Variants in ZBTB20 observed in about 807,000 individuals in gnomAD.
ZBTB20 encodes zinc finger and BTB domain-containing protein 20.
ZBTB20 carries 9 observed loss-of-function variants against 56.9 expected under a neutral mutation model. The ratio of observed to expected loss-of-function variants is 0.16; its 90% CI spans 0.10 to 0.28. The LOEUF (loss-of-function observed/expected upper bound fraction) is 0.28, where lower values mean the gene tolerates loss of function less well. Ranked by LOEUF, ZBTB20 falls within the 10% of genes least tolerant of loss-of-function variation. ZBTB20 has a pLI of 1.00. For synonymous variants in ZBTB20, 417 were observed against 420.7 expected, an observed-to-expected ratio of 0.99 and a Z score of 0.11; for missense variants, 655 against 1,003.0, an observed-to-expected ratio of 0.65 and a Z score of 4.69.
chr3:114,550,318 C>T (rs537338033), intron 6 of ZBTB20, among the ~76,000 whole-genome samples: 58 of 152,140 alleles, frequency 3.8e-4, no homozygotes, highest in Non-Finnish European at 7.2e-4. Context: ...TTCCTCACTA[C>T]AGTTTGGGTC....
At chr3:114,926,732 T>C (rs2076171368) in intron 3 of ZBTB20, among the ~76,000 whole-genome samples, 1 of 152,060 alleles carries the variant, frequency 6.6e-6, no homozygotes, top group South Asian at 2.1e-4. Context: ...ACCCAAAAGT[T>C]TTGGAAGCAG....
intron 4 of ZBTB20, among the ~76,000 whole-genome samples, chr3:114,853,996 T>C (rs1315506153): frequency 1.3e-5 from 2 of 152,202 alleles, no homozygotes; most frequent in Non-Finnish European, 1.5e-5. Context: ...ATGAAAATCT[T>C]TACAATGAGT....
chr3:114,929,947 T>C (rs1175937692), intron 3 of ZBTB20, among the ~76,000 whole-genome samples: 1 of 152,228 alleles, frequency 6.6e-6, no homozygotes, highest in African/African-American at 2.4e-5. Context: ...TCCCTTATTC[T>C]TACTTGAATA....
chr3:114,909,130 A>G (rs1191798835), intron 3 of ZBTB20, among the ~76,000 whole-genome samples: 2 of 152,020 alleles, frequency 1.3e-5, no homozygotes, highest in African/African-American at 2.4e-5. Context: ...AGGAGATGAC[A>G]GCTCCATGCA....
chr3:114,713,477 G>C (rs1208551594), intron 5 of ZBTB20, among the ~76,000 whole-genome samples: 1 of 152,150 alleles, frequency 6.6e-6, no homozygotes, highest in East Asian at 1.9e-4. Flanking sequence ...TAATTCTGCC[G>C]AGATATTTAT....
At chr3:114,456,639 G>A (rs902975763) in intron 7 of ZBTB20, among the ~76,000 whole-genome samples, 7 of 152,100 alleles carry the variant, frequency 4.6e-5, no homozygotes, top group Admixed American at 6.5e-5. Context: ...TATATTTTCC[G>A]CCCATGAAAG....
chr3:115,033,774 C>CA, intron 2 of ZBTB20, among the ~76,000 whole-genome samples: 1 of 151,734 alleles, frequency 6.6e-6, no homozygotes, highest in South Asian at 2.1e-4. Flanking sequence ...ACCCTGATGC[C>CA]AAAACCAGAC....
intron 6 of ZBTB20, among the ~76,000 whole-genome samples, chr3:114,619,266 T>A (rs1436048438): frequency 6.6e-6 from 1 of 152,192 alleles, no homozygotes; most frequent in Non-Finnish European, 1.5e-5. Flanking sequence ...GGGTTAATTA[T>A]CCATTATGTG....
chr3:114,491,383 T>A (rs1008906192), intron 7 of ZBTB20, among the ~76,000 whole-genome samples: 1 of 152,172 alleles, frequency 6.6e-6, no homozygotes, highest in Non-Finnish European at 1.5e-5. Context: ...TGCTGTCCCA[T>A]TTGTCTCAAG....
intron 6 of ZBTB20, among the ~76,000 whole-genome samples, chr3:114,639,819 A>C (rs1372734373): frequency 6.6e-6 from 1 of 152,054 alleles, no homozygotes; most frequent in Non-Finnish European, 1.5e-5. Flanking sequence ...CTTTCAATGG[A>C]GCATTTCATA....
In ZBTB20 at chr3:114,787,366, T is replaced by TATATATATATATATACAC. The variant is rs1278656494; in HGVS notation, c.-343+13734_-343+13735insGTGTATATATATATATAT. On this transcript the variant is annotated intron_variant, in intron 5 of 11. Coordinates refer to ENST00000675478, the MANE Select transcript of ZBTB20 (RefSeq NM_001348800.3). ...ATATATATATATATATATATATATA[T>TATATATATATATATACAC]ATACACACACACACACACACACACA... 4.9e-4 allele frequency among the ~76,000 whole-genome samples: 41 copies of TATATATATATATATACAC among 82,902 alleles called. 1 individual carries two copies. Among genetic ancestry groups the TATATATATATATATACAC allele is most frequent in the African/African-American group, 1.9e-3 (36 of 19,012 alleles). The allele number at this position is 82,902 out of a possible 152,430, so 54.4% of individuals were successfully genotyped here. A position where few individuals can be genotyped will look rare whatever the true frequency, so the allele number is the denominator to read the frequency against.
intron 7 of ZBTB20, among the ~76,000 whole-genome samples, chr3:114,458,372 C>T (rs1408377350): frequency 1.3e-5 from 2 of 152,042 alleles, no homozygotes; most frequent in African/African-American, 4.8e-5. Context: ...TCTAAATGAT[C>T]AGTGTATAGT....
chr3:114,649,162 A>G (rs965479153), intron 6 of ZBTB20, among the ~76,000 whole-genome samples: 1 of 151,998 alleles, frequency 6.6e-6, no homozygotes, highest in African/African-American at 2.4e-5. Context: ...AATACACTAT[A>G]AACTATATTA....
chr3:114,467,082 T>C (rs2092584778), intron 7 of ZBTB20, among the ~76,000 whole-genome samples: 2 of 152,086 alleles, frequency 1.3e-5, no homozygotes, highest in African/African-American at 2.4e-5. Flanking sequence ...AAGCAAGGGA[T>C]AGGAAAGCAC....
intron 1 of ZBTB20, among the ~76,000 whole-genome samples, chr3:115,128,195 TA>T: frequency 6.6e-6 from 1 of 152,360 alleles, no homozygotes; most frequent in Middle Eastern, 3.4e-3. Flanking sequence ...AAAATATGTC[TA>T]TCTCAATTGC....
intron 7 of ZBTB20, among the ~76,000 whole-genome samples, chr3:114,488,329 CA>C (rs2042369343): frequency 6.6e-6 from 1 of 152,150 alleles, no homozygotes; most frequent in Non-Finnish European, 1.5e-5. Context: ...TTGTCTTTTC[CA>C]ATTTTTTTAT....
At chr3:114,602,655 G>A (rs544897592) in intron 6 of ZBTB20, among the ~76,000 whole-genome samples, 2 of 152,034 alleles carry the variant, frequency 1.3e-5, no homozygotes, top group Non-Finnish European at 2.9e-5. Flanking sequence ...CCAGCATGTA[G>A]AAGAGATACC....
intron 5 of ZBTB20, among the ~76,000 whole-genome samples, chr3:114,775,591 T>C (rs1019048942): frequency 6.6e-6 from 1 of 151,794 alleles, no homozygotes; most frequent in Non-Finnish European, 1.5e-5. Context: ...GTTTGTTTGC[T>C]CTGAGGAGCA....
chr3:114,914,871 T>C (rs2075681937), intron 3 of ZBTB20, among the ~76,000 whole-genome samples: 1 of 151,954 alleles, frequency 6.6e-6, no homozygotes, highest in South Asian at 2.1e-4. Context: ...TGGTATTATA[T>C]TGATTGATTT....
Sources: allele counts gnomAD v4.1 joint callset (sites outside exome capture counted in the v4.1 genomes callset), GRCh38; gene constraint gnomAD v4.1.1; transcripts MANE v1.5; gene names NCBI Gene and HGNC (gene_info 2026-07-23, HGNC 2026-07-21).